The following ITPR1 variants were observed in gnomAD, a reference collection of about 807,000 sequenced individuals.
The protein encoded by ITPR1 is inositol 1,4,5-trisphosphate-gated calcium channel ITPR1.
A neutral mutation model predicts 318.4 loss-of-function variants in ITPR1; 96 were observed. The observed-to-expected ratio is 0.30, with a 90% CI of 0.26 to 0.36. The LOEUF (loss-of-function observed/expected upper bound fraction) is 0.36. Among genes scored for constraint, ITPR1 ranks in the 10% least tolerant of loss-of-function variants. ITPR1 has a pLI of 1.00. For missense variants in ITPR1, 2,440 were observed against 3,460.2 expected (o/e 0.71, Z 7.40); for synonymous variants, 1,312 against 1,289.9 (o/e 1.02, Z -0.37).
intron 43 of ITPR1, 132 bp from the exon 44 acceptor site, chr3:4,735,031 TG>T: frequency 1.5e-6 from 1 of 680,102 alleles, no homozygotes; most frequent in Non-Finnish European, 2.5e-6. Flanking sequence ...ATTTTCCTTG[TG>T]GGATTAAAAG....
At chr3:4,677,042 T>C (rs2094199288) in intron 24 of ITPR1, among the ~76,000 whole-genome samples, 2 of 152,158 alleles carry the variant, frequency 1.3e-5, no homozygotes. Flanking sequence ...TATCTTAGCT[T>C]TCCATGATCA....
At chr3:4,529,667 T>G (rs960020859) in intron 4 of ITPR1, among the ~76,000 whole-genome samples, 2 of 152,242 alleles carry the variant, frequency 1.3e-5, no homozygotes, top group African/African-American at 4.8e-5. Context: ...ACACTGTCTT[T>G]TAGGCTTCTG....
At chr3:4,542,606 TACCTTGCCTTCCTATTTTTAGGGTTG>T (rs1343845477) in intron 4 of ITPR1, among the ~76,000 whole-genome samples, 1 of 151,532 alleles carries the variant, frequency 6.6e-6, no homozygotes, top group Non-Finnish European at 1.5e-5. Context: ...ACAAACAAGT[TACCTTGCCTTCCTATTTTTAGGGTTG>T]GTTGGTTTGT....
chr3:4,549,464 C>T (rs73007716), intron 4 of ITPR1, among the ~76,000 whole-genome samples: 19,285 of 151,928 alleles, frequency 0.13, 1,487 homozygotes, highest in Non-Finnish European at 0.16. Flanking sequence ...AACATCAGCC[C>T]TTGAATTTGG....
At position 4,673,164 on chromosome 3, in the gene ITPR1, T is replaced by G; in HGVS notation, c.2233T>G (p.Cys745Gly). 1 of 1,613,944 alleles carries G rather than the reference T, an allele frequency of 6.2e-7. No homozygotes were observed. The highest frequency in any genetic ancestry group is 8.5e-7 in the Non-Finnish European group (1 of 1,179,834). ...TCAGCTGAACCTCTTTGCGAGGATG[T>G]GTCTGGACCGCCAATACCTGGCCAT... ...RYQLNLFARM[C>G]LDRQYLAINE... Residue 745 changes from cysteine (C) to glycine (G), a missense_variant, in exon 21 of 62, where the codon TGT becomes GGT. Physicochemically the swap from Cys to Gly is radical, Grantham distance 159. Transcript: ENST00000649015.
chr3:4,603,403 T>TTTTC, intron 4 of ITPR1, among the ~76,000 whole-genome samples: 1 of 132,012 alleles, frequency 7.6e-6, no homozygotes, highest in East Asian at 4.7e-4. Context: ...ATGTACCACA[T>TTTTC]TTTCTTTTCT....
chr3:4,715,013 A>T lies in ITPR1; in HGVS notation c.5104-2354A>T, dbSNP rs141943866. Among the ~76,000 whole-genome samples, 108 of 152,380 alleles carry T rather than the reference A, an allele frequency of 7.1e-4. 1 individual carries two copies. Among genetic ancestry groups the T allele is most frequent in the African/African-American group, 2.4e-3 (101 of 41,588 alleles). Reference sequence around the variant, plus strand: ...CCTCTTGTCATGTGCTAGCCACTATACTAAACACATCTGCCTTATCTCAGT... The same window carrying T: ...CCTCTTGTCATGTGCTAGCCACTATTCTAAACACATCTGCCTTATCTCAGT... On this transcript the variant is annotated intron_variant, in intron 39 of 61. Transcript: ENST00000649015.
At chr3:4,677,753 C>G (rs1356491887) in intron 24 of ITPR1, among the ~76,000 whole-genome samples, 1 of 151,778 alleles carries the variant, frequency 6.6e-6, no homozygotes, top group African/African-American at 2.4e-5. Flanking sequence ...TTATAACAAG[C>G]TTGTATGGTG....
chr3:4,503,574 G>A (rs1309223896), intron 2 of ITPR1, among the ~76,000 whole-genome samples: 1 of 152,114 alleles, frequency 6.6e-6, no homozygotes. Flanking sequence ...GGGGACATTT[G>A]GTATCGTCTG....
chr3:4,723,668 C>G (rs969370442), intron 40 of ITPR1, among the ~76,000 whole-genome samples: 1 of 151,470 alleles, frequency 6.6e-6, no homozygotes. Flanking sequence ...AGACGACATA[C>G]TAGTTCCATC....
chr3:4,712,790 C>G (rs544376665), intron 39 of ITPR1, among the ~76,000 whole-genome samples: 1 of 152,332 alleles, frequency 6.6e-6, no homozygotes, highest in Admixed American at 6.5e-5. Flanking sequence ...ACTAGTGAGA[C>G]TCCTTGGATA....
chr3:4,631,540 T>C (rs2093015615), intron 5 of ITPR1, among the ~76,000 whole-genome samples: 1 of 152,134 alleles, frequency 6.6e-6, no homozygotes, highest in Non-Finnish European at 1.5e-5. Context: ...TTTCCGGAAT[T>C]ATATTTTGGG....
At chr3:4,676,478 G>C (rs978244863) in intron 23 of ITPR1, 136 bp from the exon 24 acceptor site, 2 of 623,192 alleles carry the variant, frequency 3.2e-6, no homozygotes, top group East Asian at 6.1e-5. Context: ...ACCTTTCCAG[G>C]TTTCCAGGGT....
chr3:4,814,400 G>C (rs1224192919), intron 57 of ITPR1, 23 bp from the exon 58 acceptor site: 6 of 1,613,578 alleles, frequency 3.7e-6, no homozygotes, highest in Non-Finnish European at 5.1e-6. Context: ...TTTTCTCTCT[G>C]TTGTTACTTG....
intron 4 of ITPR1, among the ~76,000 whole-genome samples, chr3:4,530,700 G>C (rs531258864): frequency 6.6e-6 from 1 of 152,244 alleles, no homozygotes; most frequent in South Asian, 2.1e-4. Flanking sequence ...AGGGTTGCTT[G>C]AGCCCAGTAG....
chr3:4,800,613 A>ACCTTC lies in ITPR1; in HGVS notation c.7107+15_7107+19dup. The ACCTTC allele has an allele frequency of 6.2e-7, 1 of 1,612,142 alleles. No individual in the cohort carries two copies. Among genetic ancestry groups the ACCTTC allele is most frequent in the Non-Finnish European group, 8.5e-7 (1 of 1,178,450 alleles). On this transcript the variant is annotated intron_variant, in intron 54 of 61. Transcript: ENST00000649015. ...GGGCGCTTTCAATGTAAGTGTGAAT[A>ACCTTC]CCTTCCTTGCCACTGTTTTGTTTGC... is the stretch of plus-strand genomic sequence containing the variant.
chr3:4,676,026 T>TA (rs2094177848), intron 23 of ITPR1, among the ~76,000 whole-genome samples: 1 of 152,158 alleles, frequency 6.6e-6, no homozygotes, highest in African/African-American at 2.4e-5. Flanking sequence ...TCTGTGCTCA[T>TA]AACAAGCACA....
At position 4,744,975 on chromosome 3, in the gene ITPR1, TC is replaced by T. The variant is rs1304364323; in HGVS notation, c.5544+9625del. On this transcript the variant is annotated intron_variant, in intron 44 of 61. Transcript: ENST00000649015. ...CTCCCTCCCTCCTTCCTTCCTTCGT[TC>T]CCCTCTTTCCCTCCTTCTCTCCTTC... Among the ~76,000 whole-genome samples, 11 of 143,530 alleles carry T rather than the reference TC, an allele frequency of 7.7e-5. No homozygotes were observed. In the South Asian group the frequency reaches 2.4e-3, roughly 31 times the overall value. 94.2% of individuals were successfully genotyped at this position (143,530 alleles called of 152,430 possible).
At chr3:4,651,763 A>G (rs965755451) in intron 10 of ITPR1, among the ~76,000 whole-genome samples, 3 of 152,216 alleles carry the variant, frequency 2.0e-5, no homozygotes, top group Non-Finnish European at 2.9e-5. Context: ...ACATGAGTAC[A>G]TGCGTAGATT....
Sources: gnomAD v4.1 joint callset for allele counts (sites outside exome capture counted in the v4.1 genomes callset) on GRCh38, gnomAD v4.1.1 for gene constraint, MANE v1.5 for transcripts, NCBI Gene and HGNC (gene_info 2026-07-23, HGNC 2026-07-21) for gene names.